Variants in POLA2 observed in about 807,000 individuals in gnomAD.
POLA2 encodes DNA polymerase alpha subunit B.
Under a neutral mutation model 82.8 loss-of-function variants are expected in POLA2, and 47 were observed. The observed-to-expected ratio is 0.57, with a 90% CI of 0.45 to 0.72. POLA2 has a LOEUF of 0.72. Ranked by LOEUF, POLA2 falls within the 30% of genes least tolerant of loss-of-function variation. The pLI is 0.00. For missense variants in POLA2, 634 were observed against 728.1 expected (o/e 0.87, Z 1.49); for synonymous variants, 287 against 286.8 (o/e 1.00, Z -0.01).
At position 65,262,307 on chromosome 11, in the gene POLA2, C is replaced by T. The variant is rs896276038; in HGVS notation, c.15C>T (p.Ala5=). 1.9e-6 allele frequency: 3 copies of T among 1,613,428 alleles called. No homozygotes were observed. Residue 5 remains alanine (A), a synonymous_variant, in exon 1 of 18, where the codon GCC becomes GCT. Coordinates refer to ENST00000265465, the MANE Select transcript of POLA2 (RefSeq NM_002689.4). ...CTTGGGCGACCATGTCCGCATCCGC[C>T]CAGCAGCTGGCGGAGGAGCTGCAGA... MSAS[A]QQLAEELQIF...
downstream of POLA2, among the ~76,000 whole-genome samples, chr11:65,300,159 C>T (rs1266014537): frequency 6.6e-6 from 1 of 152,144 alleles, no homozygotes; most frequent in African/African-American, 2.4e-5. Context: ...GTAGATTTGC[C>T]TATTTTGGGC....
At chr11:65,285,097 T>A (rs565530557) in intron 10 of POLA2, among the ~76,000 whole-genome samples, 4 of 152,018 alleles carry the variant, frequency 2.6e-5, no homozygotes, top group African/African-American at 9.6e-5. Flanking sequence ...TGGTGAAACC[T>A]CATCTCTACA....
chr11:65,281,368 C>T (rs1056793212), intron 8 of POLA2, among the ~76,000 whole-genome samples: 5 of 152,154 alleles, frequency 3.3e-5, no homozygotes, highest in South Asian at 2.1e-4. Flanking sequence ...CCCAACTCCC[C>T]GCTCCATGAG....
At chr11:65,284,127 CTAGATAGATAGATAGATAGA>C (rs60541542) in intron 10 of POLA2, among the ~76,000 whole-genome samples, 7 of 143,060 alleles carry the variant, frequency 4.9e-5, no homozygotes, top group African/African-American at 7.9e-5. Context: ...GAGTAAGACA[CTAGATAGATAGATAGATAGA>C]TAGATAGATA....
chr11:65,289,641 C>G (rs1393978943), intron 12 of POLA2, among the ~76,000 whole-genome samples, 158 bp from the exon 13 acceptor site: 1 of 152,222 alleles, frequency 6.6e-6, no homozygotes, highest in African/African-American at 2.4e-5. Context: ...TTCGACTAGA[C>G]TTAGCTCCTT....
rs547539050 is a variant in POLA2 at position 65,267,970 on chromosome 11, T to A, written c.296+402T>A. ...CCACACCTGGATAATTTTGTATTTT[T>A]TTTGGTAGAGACAGGGTTTCACCAT... is the stretch of plus-strand genomic sequence containing the variant. On this transcript the variant is annotated intron_variant, in intron 3 of 17. Transcript: ENST00000265465. 5.0e-4 allele frequency among the ~76,000 whole-genome samples: 76 copies of A among 152,068 alleles called. 1 individual carries two copies. In the South Asian group the frequency reaches 0.014, roughly 28 times the overall value.
chr11:65,262,264 C>T lies in POLA2; in HGVS notation c.-29C>T, dbSNP rs1335157136. The T allele has an allele frequency of 6.3e-7, 1 of 1,597,170 alleles. No homozygotes were observed. The highest frequency in any genetic ancestry group is 8.6e-7 in the Non-Finnish European group (1 of 1,169,366). On this transcript the variant is annotated 5_prime_UTR_variant, in exon 1 of 18. Transcript: ENST00000265465. ...GGGCGCAGGTCGGAGCTGGGTGGGC[C>T]GGCTCCCCGGCCCCTGGCTTGGGCG...
intron 13 of POLA2, among the ~76,000 whole-genome samples, chr11:65,293,608 CAAAAAAA>C (rs35492423): frequency 9.5e-5 from 7 of 73,582 alleles, no homozygotes; most frequent in Non-Finnish European, 1.9e-4. Flanking sequence ...GGCTCTGTCT[CAAAAAAA>C]AAAAAAAAAA....
At chr11:65,276,753 T>C (rs1481572072) in intron 5 of POLA2, among the ~76,000 whole-genome samples, 1 of 151,862 alleles carries the variant, frequency 6.6e-6, no homozygotes, top group African/African-American at 2.4e-5. Flanking sequence ...GGATCACTTC[T>C]AGATGAACCA....
chr11:65,295,652 G>T lies in POLA2; in HGVS notation c.1520+53G>T, dbSNP rs376986187. On this transcript the variant is annotated intron_variant, in intron 16 of 17. Coordinates refer to ENST00000265465, the MANE Select transcript of POLA2 (RefSeq NM_002689.4). ...GTGGAGAGAGTGCCTTGGGGTCATG[G>T]AGCTATGACAAGCATGACTGTAAGA... is the stretch of plus-strand genomic sequence containing the variant. 7.3e-4 allele frequency: 1,087 copies of T among 1,498,238 alleles called. 10 individuals are homozygous for T. Among genetic ancestry groups the T allele is most frequent in the Middle Eastern group, 3.5e-4 (2 of 5,786 alleles). 92.8% of individuals were successfully genotyped at this position (1,498,238 alleles called of 1,614,324 possible). A position where few individuals can be genotyped will look rare whatever the true frequency, so the allele number is the denominator to read the frequency against.
At chr11:65,282,398 C>T (rs1278298771) in intron 9 of POLA2, 81 bp from the exon 10 acceptor site, 2 of 1,186,518 alleles carry the variant, frequency 1.7e-6, no homozygotes, top group Non-Finnish European at 2.5e-6. Context: ...CCTGCACCAC[C>T]CCCAACCTGG....
intron 1 of POLA2, among the ~76,000 whole-genome samples, chr11:65,263,306 G>T (rs550275289): frequency 7.2e-6 from 1 of 139,680 alleles, no homozygotes; most frequent in African/African-American, 2.7e-5. Flanking sequence ...TTCAGCCTCC[G>T]CCTCCCAGGT....
intron 10 of POLA2, among the ~76,000 whole-genome samples, chr11:65,285,833 A>C (rs1332460064): frequency 6.6e-6 from 1 of 152,128 alleles, no homozygotes; most frequent in Non-Finnish European, 1.5e-5. Context: ...CACTGCTTAC[A>C]CTGGGGCTCA....
At chr11:65,288,903 C>T (rs1949726149) in intron 11 of POLA2, 147 bp from the exon 12 acceptor site, 1 of 717,940 alleles carries the variant, frequency 1.4e-6, no homozygotes, top group African/African-American at 1.8e-5. Context: ...GCCAGCCCAT[C>T]TGCTAACTGT....
At chr11:65,289,119 G>C (rs890438424) in intron 12 of POLA2, 31 bp downstream of exon 12, 4 of 1,588,086 alleles carry the variant, frequency 2.5e-6, no homozygotes, top group Admixed American at 1.7e-5. Context: ...AGGGGTCCTG[G>C]GTACTTGAAT....
intron 17 of POLA2, chr11:65,296,492 T>A (rs1949812193): frequency 6.3e-6 from 1 of 158,584 alleles, no homozygotes; most frequent in African/African-American, 2.4e-5. Context: ...GTTAGTTCAA[T>A]CTCAAGAGGT....
chr11:65,268,807 G>T, intron 4 of POLA2, 78 bp downstream of exon 4: 1 of 950,672 alleles, frequency 1.1e-6, no homozygotes, highest in South Asian at 1.7e-5. Flanking sequence ...AGATCTGAGG[G>T]AAAAAATCAA....
chr11:65,277,307 A>T (rs1949592314), intron 5 of POLA2, among the ~76,000 whole-genome samples: 1 of 151,436 alleles, frequency 6.6e-6, no homozygotes, highest in Non-Finnish European at 1.5e-5. Context: ...CCTCCTGAGT[A>T]GCTGGGACTA....
intron 10 of POLA2, among the ~76,000 whole-genome samples, chr11:65,284,672 T>G (rs1307435152): frequency 1.3e-5 from 2 of 152,030 alleles, no homozygotes; most frequent in African/African-American, 4.8e-5. Flanking sequence ...ATTACAGGCA[T>G]GCACCTGTAA....
Sources: gnomAD v4.1 joint callset for allele counts (sites outside exome capture counted in the v4.1 genomes callset) on GRCh38, gnomAD v4.1.1 for gene constraint, MANE v1.5 for transcripts, NCBI Gene and HGNC (gene_info 2026-07-23, HGNC 2026-07-21) for gene names.